SPP1: variants seen among roughly 807,000 people sequenced by gnomAD.
The protein encoded by SPP1 is osteopontin.
Under a neutral mutation model 20.8 loss-of-function variants are expected in SPP1, and 18 were observed. The observed-to-expected ratio is 0.87, with a 90% confidence interval of 0.60 to 1.29. The LOEUF is 1.29. Among genes scored for constraint, SPP1 ranks in the 50% most tolerant of loss-of-function variants. SPP1 has a pLI of 0.00. For synonymous variants in SPP1, 146 were observed against 141.5 expected (o/e 1.03, Z -0.23); for missense variants, 363 against 389.0 (o/e 0.93, Z 0.56).
At chr4:87,979,155 T>TA (rs1354039452) in intron 3 of SPP1, among the ~76,000 whole-genome samples, 3 of 139,800 alleles carry the variant, frequency 2.1e-5, no homozygotes, top group Admixed American at 1.6e-4. Context: ...ACTGAATTTT[T>TA]ATCTTCTTTT....
rs1725728371 is a variant in SPP1 at position 87,983,049 on chromosome 4, T to A, written c.*153T>A. On this transcript the variant is annotated 3_prime_UTR_variant, in exon 7 of 7. Transcript: ENST00000395080. ...GGAAATAACTAATGTGTTTGATAATTAGTTTAGTTTGTGGCTTCATGGAAA... is the reference window on the plus strand; with the variant it reads ...GGAAATAACTAATGTGTTTGATAATAAGTTTAGTTTGTGGCTTCATGGAAA... 1.2e-6 allele frequency: 1 copy of A among 811,158 alleles called. No homozygotes were observed. The highest frequency in any genetic ancestry group is 1.9e-6 in the Non-Finnish European group (1 of 539,342). 50.2% of individuals were successfully genotyped at this position (811,158 alleles called of 1,614,324 possible).
intron 3 of SPP1, among the ~76,000 whole-genome samples, chr4:87,978,226 T>C (rs572140283): frequency 6.6e-6 from 1 of 152,270 alleles, no homozygotes; most frequent in South Asian, 2.1e-4. Context: ...TCATTTTGCT[T>C]ACCTTTATTT....
chr4:87,980,143 C>A lies in SPP1; in HGVS notation c.174+17C>A, dbSNP rs772876619. ...GCCCCACAGGTATTTTTAAACTTCT[C>A]ATAATTAAACTACAGTGATGAAAGA... On this transcript the variant is annotated intron_variant, in intron 4 of 6. Coordinates refer to ENST00000395080, the MANE Select transcript of SPP1 (RefSeq NM_001040058.2). 6.8e-6 allele frequency: 11 copies of A among 1,613,448 alleles called. No individual in the cohort carries two copies. Among genetic ancestry groups the A allele is most frequent in the Non-Finnish European group, 7.6e-6 (9 of 1,179,426 alleles).
At chr4:87,978,388 CTTTTTTTTTTTTTT>C (rs1159455110) in intron 3 of SPP1, among the ~76,000 whole-genome samples, 10 of 89,696 alleles carry the variant, frequency 1.1e-4, no homozygotes, top group South Asian at 4.8e-4. Context: ...TTTCCGCCTT[CTTTTTTTTTTTTTT>C]TTTTTTTTTT....
intron 3 of SPP1, among the ~76,000 whole-genome samples, chr4:87,978,593 A>G (rs372048851): frequency 3.3e-5 from 5 of 152,058 alleles, no homozygotes; most frequent in Non-Finnish European, 5.9e-5. Context: ...CGTGTTAGCC[A>G]GGATGGTCTC....
In SPP1 at chr4:87,983,148, T is replaced by C. The variant is rs1355846405; in HGVS notation, c.*252T>C. The C allele has an allele frequency of 5.3e-5, 18 of 342,326 alleles. No individual in the cohort carries two copies. The highest frequency in any genetic ancestry group is 8.5e-5 in the African/African-American group (4 of 47,196). 21.2% of individuals were successfully genotyped at this position (342,326 alleles called of 1,614,324 possible). On this transcript the variant is annotated 3_prime_UTR_variant, in exon 7 of 7. Transcript: ENST00000395080. ...GAAGAAATGCAAACTATCACTGTAT[T>C]TTAATATTTGTTATTCTCTCATGAA...
chr4:87,982,342 A>T, intron 6 of SPP1, 150 bp from the exon 7 acceptor site: 7 of 883,244 alleles, frequency 7.9e-6, no homozygotes, highest in Non-Finnish European at 1.2e-5. Context: ...TTGGTAAAGT[A>T]CTATACAAAG....
At chr4:87,977,811 G>T (rs1280443527) in intron 3 of SPP1, 2 of 1,281,568 alleles carry the variant, frequency 1.6e-6, no homozygotes, top group Non-Finnish European at 2.0e-6. Flanking sequence ...TGCCTTGGGG[G>T]TCACTGCAAT....
chr4:87,979,586 A>G (rs923998052), intron 3 of SPP1, among the ~76,000 whole-genome samples: 1 of 152,180 alleles, frequency 6.6e-6, no homozygotes, highest in Non-Finnish European at 1.5e-5. Context: ...ATGAAGATTA[A>G]CAGTAATTAA....
rs374904785 is a variant in SPP1 at position 87,982,807 on chromosome 4, G to T, written c.856G>T (p.Val286Phe). 11 of 1,614,170 alleles carry T rather than the reference G, an allele frequency of 6.8e-6. No individual in the cohort carries two copies. Among genetic ancestry groups the T allele is most frequent in the East Asian group, 4.5e-5 (2 of 44,888 alleles). The change falls in exon 7 of 7, where the codon GTT becomes TTT. Residue 286 changes from valine (V) to phenylalanine (F), a missense_variant. Physicochemically the swap from Val to Phe is conservative, Grantham distance 50. Transcript: ENST00000395080. ...ATTTCACAGCCATGAAGATATGCTG[G>T]TTGTAGACCCCAAAAGTAAGGAAGA... ...HEFHSHEDML[V>F]VDPKSKEEDK...
rs1362180065 is a variant in SPP1, at chr4:87,982,719, G to A, written c.768G>A (p.Glu256=). Residue 256 remains glutamate, a synonymous_variant, in exon 7 of 7, where the codon GAG becomes GAA. Coordinates refer to ENST00000395080, the MANE Select transcript of SPP1 (RefSeq NM_001040058.2). Reference sequence around the variant, plus strand: ...GGAAAGCCAATGATGAGAGCAATGAGCATTCCGATGTGATTGATAGTCAGG... The same window carrying A: ...GGAAAGCCAATGATGAGAGCAATGAACATTCCGATGTGATTGATAGTCAGG... ...YKRKANDESN[E]HSDVIDSQEL... is the part of the protein sequence containing the mutation. 2 of 1,614,152 alleles carry A rather than the reference G, an allele frequency of 1.2e-6. No individual in the cohort carries two copies. The highest frequency in any genetic ancestry group is 2.2e-5 in the South Asian group (2 of 91,076).
Position 87,976,878 on chromosome 4 carries a change from G to A in SPP1, c.-14-4G>A. On this transcript the variant is annotated splice_polypyrimidine_tract_variant and splice_region_variant and intron_variant, in intron 1 of 6. Transcript: ENST00000395080. ...TCAGCTATTCCTTATGAAATATTTT[G>A]CAGGAAAACTCACTACCATGAGAAT... is the stretch of plus-strand genomic sequence containing the variant. 1 of 1,610,286 alleles carries A rather than the reference G, an allele frequency of 6.2e-7. No homozygotes were observed. Among genetic ancestry groups the A allele is most frequent in the Non-Finnish European group, 8.5e-7 (1 of 1,176,770 alleles).
intron 3 of SPP1, chr4:87,977,905 T>C (rs1478623123): frequency 9.5e-6 from 10 of 1,048,400 alleles, no homozygotes; most frequent in Non-Finnish European, 1.2e-5. Context: ...TTTCAACTGA[T>C]TTGAAAATAC....
Position 87,979,953 on chromosome 4 carries a change from T to C in SPP1, c.94-93T>C, listed in dbSNP as rs1040822029. ...GTACCTAAGGGTCCGGGTGACTATA[T>C]GCTTCCATCAAGACTAGTGAAGAAT... On this transcript the variant is annotated intron_variant, in intron 3 of 6. Transcript: ENST00000395080. 4 of 1,272,676 alleles carry C rather than the reference T, an allele frequency of 3.1e-6. No individual in the cohort carries two copies. In the African/African-American group the frequency reaches 6.1e-5, roughly 19 times the overall value. 78.8% of individuals were successfully genotyped at this position (1,272,676 alleles called of 1,614,324 possible).
chr4:87,982,708 G>C lies in SPP1; in HGVS notation c.757G>C (p.Glu253Gln), dbSNP rs192576933. Residue 253 changes from glutamate (E) to glutamine (Q), a missense_variant, in exon 7 of 7, where the codon GAG becomes CAG. Physicochemically the swap from Glu to Gln is conservative, Grantham distance 29. Transcript: ENST00000395080. Reference sequence around the variant, plus strand: ...ATTATATAAGCGGAAAGCCAATGATGAGAGCAATGAGCATTCCGATGTGAT... The same window carrying C: ...ATTATATAAGCGGAAAGCCAATGATCAGAGCAATGAGCATTCCGATGTGAT... ...SRLYKRKAND[E>Q]SNEHSDVIDS... is the part of the protein sequence containing the mutation. 27 of 1,614,140 alleles carry C rather than the reference G, an allele frequency of 1.7e-5. No individual in the cohort carries two copies. The Admixed American group carries it at 4.5e-4, about 27-fold the overall frequency.
At chr4:87,978,435 G>C (rs1165246883) in intron 3 of SPP1, among the ~76,000 whole-genome samples, 3 of 123,360 alleles carry the variant, frequency 2.4e-5, no homozygotes, top group African/African-American at 9.6e-5. Flanking sequence ...TCGCTCCGTC[G>C]CCCAGGCTGG....
chr4:87,976,959 G>C lies in SPP1; in HGVS notation c.54+10G>C. 7 of 1,613,688 alleles carry C rather than the reference G, an allele frequency of 4.3e-6. No homozygotes were observed. The highest frequency in any genetic ancestry group is 5.9e-6 in the Non-Finnish European group (7 of 1,179,642). ...CACCTGTGCCATACCAGTGAGTACAGTTGCATCTTAAAGAAAATTCCTGAA... is the reference window on the plus strand; with the variant it reads ...CACCTGTGCCATACCAGTGAGTACACTTGCATCTTAAAGAAAATTCCTGAA... On this transcript the variant is annotated intron_variant, in intron 2 of 6. Transcript: ENST00000395080.
chr4:87,982,743 G>A lies in SPP1; in HGVS notation c.792G>A (p.Gln264=), dbSNP rs763148301. The change falls in exon 7 of 7, where the codon CAG becomes CAA. Residue 264 remains glutamine (Q), a synonymous_variant. Transcript: ENST00000395080. ...SNEHSDVIDS[Q]ELSKVSREFH... ...AGCATTCCGATGTGATTGATAGTCA[G>A]GAACTTTCCAAAGTCAGCCGTGAAT... 1 of 1,614,032 alleles carries A rather than the reference G, an allele frequency of 6.2e-7. No individual in the cohort carries two copies. The highest frequency in any genetic ancestry group is 1.3e-5 in the African/African-American group (1 of 74,910).
In SPP1 at chr4:87,981,723, A is replaced by T; in HGVS notation, c.465A>T (p.Thr155=). 1.9e-6 allele frequency: 3 copies of T among 1,614,202 alleles called. No homozygotes were observed. The highest frequency in any genetic ancestry group is 2.5e-6 in the Non-Finnish European group (3 of 1,180,026). ...VFTPVVPTVD[T]YDGRGDSVVY... ...CTCCAGTTGTCCCCACAGTAGACAC[A>T]TATGATGGCCGAGGTGATAGTGTGG... Residue 155 remains threonine (T), a synonymous_variant, in exon 6 of 7, where the codon ACA becomes ACT. Transcript: ENST00000395080.
Sources: gnomAD v4.1 joint callset for allele counts (sites outside exome capture counted in the v4.1 genomes callset) on GRCh38, gnomAD v4.1.1 for gene constraint, MANE v1.5 for transcripts, NCBI Gene and HGNC (gene_info 2026-07-23, HGNC 2026-07-21) for gene names.